Variants in ACSM4 observed in about 807,000 individuals in gnomAD.
ACSM4 encodes acyl-CoA synthetase medium chain family member 4.
Under a neutral mutation model 73.0 loss-of-function variants are expected in ACSM4, and 66 were observed. The observed-to-expected ratio is 0.90, with a 90% CI of 0.74 to 1.11. The LOEUF (loss-of-function observed/expected upper bound fraction) is 1.11, where lower values mean the gene tolerates loss of function less well. Ranked by LOEUF, ACSM4 falls within the 50% of genes least tolerant of loss-of-function variation. The pLI, the probability that ACSM4 is intolerant of heterozygous loss-of-function variation, is 0.00. For missense variants in ACSM4, 645 were observed against 714.4 expected (o/e 0.90, Z 1.11); for synonymous variants, 222 against 254.0 (o/e 0.87, Z 1.20).
chr12:7,304,353 C>T lies in ACSM4; in HGVS notation c.22C>T (p.Gln8Ter). Residue 8 changes from glutamine (Q) to a stop codon, truncating the protein, a stop_gained, in exon 1 of 13, where the codon CAG becomes TAG. Coordinates refer to ENST00000399422, the MANE Select transcript of ACSM4 (RefSeq NM_001080454.2). LOFTEE classifies it high-confidence loss of function. Reference sequence around the variant, plus strand: ...AACCATGAAGATTTTTTTCCGCTACCAGACATTTAGATTCATCTGGCTCAC... The same window carrying T: ...AACCATGAAGATTTTTTTCCGCTACTAGACATTTAGATTCATCTGGCTCAC... Reference protein sequence around the residue: MKIFFRYQTFRFIWLTKP... With the variant: MKIFFRY 1 of 1,613,862 alleles carries T rather than the reference C, an allele frequency of 6.2e-7. No individual in the cohort carries two copies. Among genetic ancestry groups the T allele is most frequent in the Non-Finnish European group, 8.5e-7 (1 of 1,179,814 alleles).
Position 7,326,969 on chromosome 12 carries a change from G to T in ACSM4, c.1537-7G>T. Reference sequence around the variant, plus strand: ...ATGAGCAAGATAAATTAACTTTTCTGTTGCAGGTGGTGAAAGCTTTTGTTG... The same window carrying T: ...ATGAGCAAGATAAATTAACTTTTCTTTTGCAGGTGGTGAAAGCTTTTGTTG... On this transcript the variant is annotated splice_region_variant and splice_polypyrimidine_tract_variant and intron_variant, in intron 11 of 12. Transcript: ENST00000399422. 1 of 1,591,280 alleles carries T rather than the reference G, an allele frequency of 6.3e-7. No homozygotes were observed. The highest frequency in any genetic ancestry group is 8.5e-7 in the Non-Finnish European group (1 of 1,172,038).
chr12:7,327,952 G>A (rs1250264199), intron 12 of ACSM4, among the ~76,000 whole-genome samples: 1 of 152,088 alleles, frequency 6.6e-6, no homozygotes, highest in Non-Finnish European at 1.5e-5. Context: ...GACAAGAACT[G>A]TTCTTTTTGT....
chr12:7,314,854 A>C (rs997134728), intron 3 of ACSM4, among the ~76,000 whole-genome samples: 1 of 152,190 alleles, frequency 6.6e-6, no homozygotes, highest in Non-Finnish European at 1.5e-5. Flanking sequence ...GGAGGAAGCA[A>C]GTTACCAAGA....
intron 3 of ACSM4, 46 bp downstream of exon 3, chr12:7,310,792 A>T (rs751544625): frequency 3.5e-5 from 55 of 1,551,432 alleles, no homozygotes; most frequent in Non-Finnish European, 4.5e-5. Context: ...AACAACACAA[A>T]TTATAGCTAT....
At position 7,328,580 on chromosome 12, in the gene ACSM4, C is replaced by A; in HGVS notation, c.*207C>A. On this transcript the variant is annotated 3_prime_UTR_variant, in exon 13 of 13. Transcript: ENST00000399422. ...GTATGGATGAAAATTGTTATAATGA[C>A]CAAACTGACAAAGGTAATGATGATG... 3.0e-6 allele frequency: 1 copy of A among 331,744 alleles called. No homozygotes were observed. Among genetic ancestry groups the A allele is most frequent in the South Asian group, 3.5e-5 (1 of 28,788 alleles). The allele number at this position is 331,744 out of a possible 1,614,324, so 20.6% of individuals were successfully genotyped here.
intron 6 of ACSM4, among the ~76,000 whole-genome samples, chr12:7,322,053 C>T (rs777979679): frequency 6.6e-6 from 1 of 152,186 alleles, no homozygotes; most frequent in Non-Finnish European, 1.5e-5. Flanking sequence ...AAGAATGCTT[C>T]TAAAGCCCTT....
At chr12:7,304,595 C>T in intron 1 of ACSM4, 63 bp downstream of exon 1, 3 of 1,533,174 alleles carry the variant, frequency 2.0e-6, no homozygotes, top group Non-Finnish European at 2.7e-6. Flanking sequence ...CTTCCATTTC[C>T]TTGTTCTGTG....
chr12:7,316,650 C>G (rs1255416836), intron 3 of ACSM4, among the ~76,000 whole-genome samples: 1 of 152,184 alleles, frequency 6.6e-6, no homozygotes, highest in Non-Finnish European at 1.5e-5. Flanking sequence ...TGGTAAGCAA[C>G]CAGCTGCGTC....
chr12:7,324,508 T>C lies in ACSM4; in HGVS notation c.1446T>C (p.Ile482=). The C allele has an allele frequency of 1.2e-6, 2 of 1,613,996 alleles. No individual in the cohort carries two copies. Residue 482 remains isoleucine (I), a synonymous_variant, in exon 11 of 13, where the codon ATT becomes ATC. Coordinates refer to ENST00000399422, the MANE Select transcript of ACSM4 (RefSeq NM_001080454.2). ...DDVIISSGYR[I]GPFEVESALI... is the part of the protein sequence containing the mutation. The stretch of plus-strand genomic sequence containing the variant: ...TTCTTTTCCTCTTCAGGTACCGTAT[T>C]GGGCCATTTGAAGTGGAGAGTGCAC...
In ACSM4 at chr12:7,322,528, G is replaced by T; in HGVS notation, c.1112G>T (p.Gly371Val). 1 of 1,613,722 alleles carries T rather than the reference G, an allele frequency of 6.2e-7. No individual in the cohort carries two copies. Among genetic ancestry groups the T allele is most frequent in the Middle Eastern group, 1.7e-4 (1 of 6,054 alleles). Residue 371 changes from glycine to valine, a missense_variant, in exon 7 of 13, where the codon GGA (glycine) becomes GTA (valine). Transcript: ENST00000399422. ...QTGLELYEGY[G>V]QTEVGMICAN... The stretch of plus-strand genomic sequence containing the variant: ...GGGCTGGAGCTATATGAGGGCTATG[G>T]ACAGACGGAAGTGGTATATCTAAAG...
chr12:7,321,719 G>T (rs1477852028), intron 6 of ACSM4, among the ~76,000 whole-genome samples: 1 of 152,198 alleles, frequency 6.6e-6, no homozygotes, highest in Non-Finnish European at 1.5e-5. Flanking sequence ...TGTCCAGTAA[G>T]GCTAGTGGTT....
chr12:7,311,115 G>A (rs748537351), intron 3 of ACSM4, among the ~76,000 whole-genome samples: 1 of 151,966 alleles, frequency 6.6e-6, no homozygotes, highest in African/African-American at 2.4e-5. Context: ...GCAGTGAGCC[G>A]AGTTTATACC....
rs71067184 is a variant in ACSM4, at chr12:7,314,606, TGATA to T, written c.621-2512_621-2509del. ...GATGAAAGATAGGTAGGTAGATAGA[TGATA>T]GATAGATAGATAGATAGACAGATAG... On this transcript the variant is annotated intron_variant, in intron 3 of 12. Transcript: ENST00000399422. Among the ~76,000 whole-genome samples, 704 of 151,870 alleles carry T rather than the reference TGATA, an allele frequency of 4.6e-3. 4 individuals are homozygous for T. The highest frequency in any genetic ancestry group is 0.014 in the Middle Eastern group (4 of 292).
intron 1 of ACSM4, among the ~76,000 whole-genome samples, chr12:7,306,326 C>T (rs774837493): frequency 6.6e-6 from 1 of 152,174 alleles, no homozygotes; most frequent in African/African-American, 2.4e-5. Flanking sequence ...CCACCTACTG[C>T]TCGGGGAAGG....
chr12:7,320,202 A>G (rs886227871), intron 5 of ACSM4, among the ~76,000 whole-genome samples: 3 of 152,222 alleles, frequency 2.0e-5, no homozygotes, highest in Admixed American at 6.5e-5. Context: ...TTAAGAAACC[A>G]GAGACATAAT....
chr12:7,312,902 T>C (rs1302947600), intron 3 of ACSM4, among the ~76,000 whole-genome samples: 2 of 152,204 alleles, frequency 1.3e-5, no homozygotes, highest in Non-Finnish European at 2.9e-5. Context: ...GCATCTCCAC[T>C]AGTAACATAC....
intron 7 of ACSM4, 37 bp downstream of exon 7, chr12:7,322,578 G>A: frequency 1.3e-6 from 2 of 1,571,024 alleles, no homozygotes; most frequent in Non-Finnish European, 1.7e-6. Flanking sequence ...GTATATGTGG[G>A]GGCCTTTCTG....
intron 6 of ACSM4, among the ~76,000 whole-genome samples, chr12:7,322,106 G>A (rs187021465): frequency 2.6e-5 from 4 of 152,284 alleles, no homozygotes; most frequent in Admixed American, 2.6e-4. Flanking sequence ...GTTATATCAT[G>A]TGGCTCATCA....
intron 3 of ACSM4, among the ~76,000 whole-genome samples, chr12:7,312,178 A>G (rs973020828): frequency 6.6e-6 from 1 of 152,214 alleles, no homozygotes; most frequent in East Asian, 1.9e-4. Flanking sequence ...AGTTCTAAGA[A>G]AGCAGAGACT....
Sources: gnomAD v4.1 joint callset for allele counts (sites outside exome capture counted in the v4.1 genomes callset) on GRCh38, gnomAD v4.1.1 for gene constraint, MANE v1.5 for transcripts, NCBI Gene and HGNC (gene_info 2026-07-23, HGNC 2026-07-21) for gene names.